DHTKD1: variants seen among roughly 807,000 people sequenced by gnomAD.
The protein encoded by DHTKD1 is 2-oxoadipate dehydrogenase complex component E1.
Under a neutral mutation model 101.8 loss-of-function variants are expected in DHTKD1, and 78 were observed. The ratio of observed to expected loss-of-function variants is 0.77; its 90% CI spans 0.64 to 0.93. The LOEUF (loss-of-function observed/expected upper bound fraction) is 0.93, where lower values mean the gene tolerates loss of function less well. Ranked by LOEUF, DHTKD1 falls within the 40% of genes least tolerant of loss-of-function variation. The pLI is 0.00. For synonymous variants in DHTKD1, 462 were observed against 450.3 expected (o/e 1.03, Z -0.33); for missense variants, 1,223 against 1,161.7 (o/e 1.05, Z -0.77).
Position 12,110,069 on chromosome 10 carries a change from CGG to C in DHTKD1, c.2154+2056_2154+2057del, listed in dbSNP as rs1455807828. 6.6e-6 allele frequency among the ~76,000 whole-genome samples: 1 copy of C among 151,874 alleles called. No individual in the cohort carries two copies. The highest frequency in any genetic ancestry group is 1.5e-5 in the Non-Finnish European group (1 of 67,936). On this transcript the variant is annotated intron_variant, in intron 12 of 16. Transcript: ENST00000263035. This position sits in a 1 kb window ranked among gnomAD's most constrained non-coding sequence, Gnocchi z 4.9. Reference sequence around the variant, plus strand: ...ATCCCAGCACTTTGGGAGGCCGAGGCGGGCGGATCATGAGGTCAGGAGATGAA... The same window carrying C: ...ATCCCAGCACTTTGGGAGGCCGAGGCGCGGATCATGAGGTCAGGAGATGAA...
chr10:12,095,226 T>G (rs1393501938), intron 7 of DHTKD1, among the ~76,000 whole-genome samples: 1 of 152,166 alleles, frequency 6.6e-6, no homozygotes, highest in African/African-American at 2.4e-5. Context: ...GGCTATTGAG[T>G]ACTTGAAAAG....
chr10:12,113,964 A>AT (rs1347212852), intron 13 of DHTKD1, among the ~76,000 whole-genome samples: 3 of 151,640 alleles, frequency 2.0e-5, no homozygotes, highest in Non-Finnish European at 2.9e-5. Context: ...TCTAAGCACT[A>AT]TTTTTTTTGA....
intron 9 of DHTKD1, among the ~76,000 whole-genome samples, chr10:12,100,476 G>C (rs1380780271): frequency 1.3e-5 from 2 of 150,874 alleles, no homozygotes; most frequent in African/African-American, 4.9e-5. Flanking sequence ...TGTTGGTCAG[G>C]CTGGTCTCGA....
chr10:12,079,776 C>T (rs181263752), intron 1 of DHTKD1, among the ~76,000 whole-genome samples: 13 of 152,274 alleles, frequency 8.5e-5, no homozygotes, highest in African/African-American at 3.1e-4. Context: ...CTTCATATGA[C>T]ACTGATGGAG....
chr10:12,108,130 G>A, intron 12 of DHTKD1, 115 bp downstream of exon 12: 1 of 681,402 alleles, frequency 1.5e-6, no homozygotes, highest in South Asian at 2.0e-5. Flanking sequence ...GTATTTGAGT[G>A]AAACAGATTT....
chr10:12,092,828 T>C (rs1332149336), intron 6 of DHTKD1, among the ~76,000 whole-genome samples: 1 of 151,788 alleles, frequency 6.6e-6, no homozygotes. Flanking sequence ...AGAAATAAGA[T>C]GTGAAGAATC....
At chr10:12,076,975 T>TAA (rs61096299) in intron 1 of DHTKD1, among the ~76,000 whole-genome samples, 14,981 of 61,614 alleles carry the variant, frequency 0.24, 1,512 homozygotes, top group East Asian at 0.34. Context: ...CTGTTTCTGA[T>TAA]AAAAAAAAAA....
At chr10:12,080,653 G>GT (rs1832801708) in intron 1 of DHTKD1, among the ~76,000 whole-genome samples, 1 of 150,846 alleles carries the variant, frequency 6.6e-6, no homozygotes, top group South Asian at 2.1e-4. Context: ...GCAGGTTGCA[G>GT]TGAGCCAAGA....
intron 6 of DHTKD1, 95 bp from the exon 7 acceptor site, chr10:12,093,978 T>C (rs528683749): frequency 1.9e-5 from 20 of 1,077,036 alleles, no homozygotes; most frequent in East Asian, 1.7e-4. Context: ...CCTGTGAGGA[T>C]TGGGCTGTCT....
chr10:12,088,724 C>G (rs891984020), intron 4 of DHTKD1, among the ~76,000 whole-genome samples: 1 of 151,950 alleles, frequency 6.6e-6, no homozygotes, highest in Non-Finnish European at 1.5e-5. Context: ...GCTGGGATTA[C>G]AGGTACCTGC....
At chr10:12,091,817 T>A (rs998635397) in intron 6 of DHTKD1, 133 bp downstream of exon 6, 18 of 686,776 alleles carry the variant, frequency 2.6e-5, no homozygotes, top group Non-Finnish European at 3.8e-5. Flanking sequence ...AATTAATTAA[T>A]TTTTTGAGAT....
chr10:12,101,263 G>A, intron 10 of DHTKD1, 82 bp downstream of exon 10: 1 of 1,481,672 alleles, frequency 6.7e-7, no homozygotes, highest in East Asian at 2.4e-5. Context: ...AGGAAGGAGT[G>A]CTGGCAACTT....
At chr10:12,079,167 G>A (rs1753745416) in intron 1 of DHTKD1, among the ~76,000 whole-genome samples, 1 of 152,062 alleles carries the variant, frequency 6.6e-6, no homozygotes, top group South Asian at 2.1e-4. Flanking sequence ...CCAGCTCAGT[G>A]CAGCCTCGAA....
chr10:12,077,249 T>C (rs1450977084), intron 1 of DHTKD1, among the ~76,000 whole-genome samples: 2 of 151,126 alleles, frequency 1.3e-5, no homozygotes, highest in East Asian at 3.9e-4. Context: ...TTTTTTGAGA[T>C]GGAGTTTCAT....
chr10:12,075,989 T>C lies in DHTKD1; in HGVS notation c.155-5483T>C, dbSNP rs867764575. On this transcript the variant is annotated intron_variant, in intron 1 of 16. Transcript: ENST00000263035. Reference sequence around the variant, plus strand: ...AAAATAAAGCAATCTGAATGCAAAATCTCTAGATTTTTCTGATTTCTTCCC... The same window carrying C: ...AAAATAAAGCAATCTGAATGCAAAACCTCTAGATTTTTCTGATTTCTTCCC... Among the ~76,000 whole-genome samples the C allele has an allele frequency of 2.2e-4, 33 of 149,604 alleles. 1 individual carries two copies. In the Middle Eastern group the frequency reaches 0.014, roughly 64 times the overall value.
At chr10:12,098,056 C>T (rs956845126) in intron 8 of DHTKD1, 60 bp downstream of exon 8, 55 of 1,483,780 alleles carry the variant, frequency 3.7e-5, no homozygotes, top group Non-Finnish European at 4.5e-5. Context: ...AAGGAGCTGA[C>T]GTTGGTCTGG....
At chr10:12,114,719 T>A (rs1833387029) in intron 13 of DHTKD1, among the ~76,000 whole-genome samples, 1 of 152,164 alleles carries the variant, frequency 6.6e-6, no homozygotes, top group African/African-American at 2.4e-5. Context: ...ATATTTGGAA[T>A]TGAGGGGTAC....
At chr10:12,072,476 TAAATAAATAAA>T (rs911631425) in intron 1 of DHTKD1, among the ~76,000 whole-genome samples, 24 of 46,466 alleles carry the variant, frequency 5.2e-4, no homozygotes, top group African/African-American at 1.2e-3. Flanking sequence ...AATAAATAAA[TAAATAAATAAA>T]TAAATAAATA....
rs549007084 is a variant in DHTKD1, at chr10:12,120,778, C to T, written c.2659-9C>T. On this transcript the variant is annotated splice_polypyrimidine_tract_variant and intron_variant, in intron 16 of 16. Coordinates refer to ENST00000263035, the MANE Select transcript of DHTKD1 (RefSeq NM_018706.7). ...ATGTCATTTTATTTCTTCTCTGCTG[C>T]ACTTATAGCTCCGTCTGGTGGGCCG... 5.0e-6 allele frequency: 8 copies of T among 1,611,814 alleles called. No homozygotes were observed. Among genetic ancestry groups the T allele is most frequent in the Middle Eastern group, 1.7e-4 (1 of 6,058 alleles).
Sources: gnomAD v4.1 joint callset for allele counts (sites outside exome capture counted in the v4.1 genomes callset) on GRCh38, gnomAD v4.1.1 for gene constraint, Gnocchi (gnomAD v3.1) non-coding constraint, MANE v1.5 for transcripts, NCBI Gene and HGNC (gene_info 2026-07-23, HGNC 2026-07-21) for gene names.